The following TXNL4A variants were observed in gnomAD, a reference collection of about 807,000 sequenced individuals.
The protein encoded by TXNL4A is thioredoxin like 4A.
In TXNL4A, 17 loss-of-function variants were observed where a neutral mutation model predicts 14.6. The observed-to-expected ratio is 1.16, with a 90% CI of 0.80 to 1.74. The LOEUF (loss-of-function observed/expected upper bound fraction) is 1.74. Ranked by LOEUF, TXNL4A falls within the 40% of genes most tolerant of loss-of-function variation. The pLI is 0.00. For synonymous variants in TXNL4A, 83 were observed against 70.6 expected (o/e 1.18, Z -0.88); for missense variants, 74 against 195.2 (o/e 0.38, Z 3.70).
At chr18:80,000,612 T>C (rs1370007582) in intron 1 of TXNL4A, among the ~76,000 whole-genome samples, 1 of 152,222 alleles carries the variant, frequency 6.6e-6, no homozygotes, top group Non-Finnish European at 1.5e-5. Context: ...TCAAGACAGT[T>C]GCAGAAATTT....
At chr18:80,027,344 G>A (rs1380690374) in intron 1 of TXNL4A, among the ~76,000 whole-genome samples, 1 of 151,956 alleles carries the variant, frequency 6.6e-6, no homozygotes, top group Non-Finnish European at 1.5e-5. Context: ...AAAACAAGCA[G>A]GAGGGGATGG....
intron 1 of TXNL4A, among the ~76,000 whole-genome samples, chr18:80,000,728 C>T (rs2051693198): frequency 1.3e-5 from 2 of 152,124 alleles, no homozygotes; most frequent in South Asian, 4.1e-4. Flanking sequence ...GATCTCGGCT[C>T]ACCACACCCT....
At chr18:79,981,310 T>C (rs944168781) in intron 1 of TXNL4A, among the ~76,000 whole-genome samples, 3 of 152,238 alleles carry the variant, frequency 2.0e-5, no homozygotes, top group African/African-American at 7.2e-5. Flanking sequence ...CCATCCCTTT[T>C]CTTGCACGTA....
At chr18:80,024,798 G>A (rs1253892836) in intron 1 of TXNL4A, among the ~76,000 whole-genome samples, 3 of 152,156 alleles carry the variant, frequency 2.0e-5, no homozygotes, top group African/African-American at 7.2e-5. Flanking sequence ...CCAGGTAGCC[G>A]TGACACAGGT....
chr18:79,995,393 G>C (rs961138575), intron 1 of TXNL4A: 2 of 152,238 alleles, frequency 1.3e-5, no homozygotes, highest in Admixed American at 1.3e-4. Flanking sequence ...CATTCCTTCA[G>C]TGTCCCGGAG....
At chr18:80,029,760 C>T (rs1313625715) in intron 1 of TXNL4A, among the ~76,000 whole-genome samples, 2 of 152,178 alleles carry the variant, frequency 1.3e-5, no homozygotes, top group Non-Finnish European at 2.9e-5. Flanking sequence ...TGGAAAACAA[C>T]TGTGTCCTCA....
intron 1 of TXNL4A, among the ~76,000 whole-genome samples, chr18:80,024,048 T>C (rs1485294513): frequency 6.6e-6 from 1 of 152,170 alleles, no homozygotes; most frequent in Admixed American, 6.5e-5. Flanking sequence ...CAGTTTGCCT[T>C]TCAGTGCTTG....
At chr18:80,026,383 C>T (rs150590212) in intron 1 of TXNL4A, among the ~76,000 whole-genome samples, 9 of 152,176 alleles carry the variant, frequency 5.9e-5, no homozygotes, top group Non-Finnish European at 1.5e-5. Context: ...AAAGGGATTG[C>T]CTTAGGCTGA....
At position 79,972,929 on chromosome 18, in the gene TXNL4A, T is replaced by TATAACAATTTTA. The variant is rs2051320103; in HGVS notation, c.*755_*756insTAAAATTGTTAT. 1.3e-5 allele frequency: 2 copies of TATAACAATTTTA among 152,206 alleles called. No homozygotes were observed. Among genetic ancestry groups the TATAACAATTTTA allele is most frequent in the Admixed American group, 1.3e-4 (2 of 15,276 alleles). The allele number at this position is 152,206 out of a possible 1,614,324, so 9.4% of individuals were successfully genotyped here. A position where few individuals can be genotyped will look rare whatever the true frequency, so the allele number is the denominator to read the frequency against. On this transcript the variant is annotated 3_prime_UTR_variant, in exon 3 of 3. Transcript: ENST00000269601. ...ACTGTTTTTATAACCAGAGTAAACC[T>TATAACAATTTTA]TTGGATTCTGTCATGGATTGAATTG...
chr18:79,987,542 T>C (rs7235319), intron 1 of TXNL4A, among the ~76,000 whole-genome samples: 116,677 of 152,126 alleles, frequency 0.77, 45,873 homozygotes, highest in East Asian at 0.91. Flanking sequence ...CTGCAAAACC[T>C]CAATAAAAGT....
At chr18:79,974,389 ATTCT>A (rs2051347738) in intron 2 of TXNL4A, among the ~76,000 whole-genome samples, 1 of 152,246 alleles carries the variant, frequency 6.6e-6, no homozygotes, top group African/African-American at 2.4e-5. Context: ...GAAGTAGATA[ATTCT>A]TTACTTATCT....
intron 1 of TXNL4A, among the ~76,000 whole-genome samples, chr18:80,018,052 G>C (rs1036114475): frequency 6.6e-6 from 1 of 151,924 alleles, no homozygotes; most frequent in African/African-American, 2.4e-5. Context: ...CCTGTTATTG[G>C]TCTATTCAGA....
At chr18:80,023,595 A>G (rs1402929509) in intron 1 of TXNL4A, among the ~76,000 whole-genome samples, 2 of 152,188 alleles carry the variant, frequency 1.3e-5, no homozygotes, top group Non-Finnish European at 2.9e-5. Context: ...CTGAACTTTT[A>G]TATGAAAGAA....
At chr18:79,983,252 C>T (rs1462012639) in intron 1 of TXNL4A, among the ~76,000 whole-genome samples, 3 of 152,204 alleles carry the variant, frequency 2.0e-5, no homozygotes, top group Non-Finnish European at 4.4e-5. Context: ...TCGCCTGCCT[C>T]GGCTTCCCAA....
In TXNL4A at chr18:79,988,540, G is replaced by C. The variant is rs1235242994; in HGVS notation, c.-148C>G. 1.2e-6 allele frequency: 1 copy of C among 830,842 alleles called. No homozygotes were observed. The highest frequency in any genetic ancestry group is 1.8e-5 in the African/African-American group (1 of 55,802). The allele number at this position is 830,842 out of a possible 1,614,324, so 51.5% of individuals were successfully genotyped here. ...CCGCCCGCACACGCAAACTCCGCTG[G>C]GACTGCCACCCGGCAGAACGTCTGG... On this transcript the variant is annotated 5_prime_UTR_variant, in exon 1 of 3. Coordinates refer to ENST00000269601, the MANE Select transcript of TXNL4A (RefSeq NM_006701.5).
intron 1 of TXNL4A, among the ~76,000 whole-genome samples, chr18:79,981,984 A>G (rs1429078960): frequency 2.0e-5 from 3 of 152,214 alleles, no homozygotes; most frequent in African/African-American, 7.2e-5. Context: ...CAGGCTCAGA[A>G]AGGTCACGTG....
chr18:80,004,508 T>G (rs1435946600), intron 1 of TXNL4A, among the ~76,000 whole-genome samples: 1 of 152,176 alleles, frequency 6.6e-6, no homozygotes, highest in Non-Finnish European at 1.5e-5. Context: ...TTCCTGAGAA[T>G]TCCCAGCAAT....
intron 2 of TXNL4A, among the ~76,000 whole-genome samples, chr18:79,974,621 G>A (rs762757948): frequency 1.3e-5 from 2 of 152,038 alleles, no homozygotes; most frequent in Non-Finnish European, 2.9e-5. Flanking sequence ...TGGGACCACA[G>A]GCACGAGCCA....
At chr18:79,978,551 T>C (rs1439387143) in intron 1 of TXNL4A, among the ~76,000 whole-genome samples, 5 of 152,172 alleles carry the variant, frequency 3.3e-5, no homozygotes. Flanking sequence ...TGGAGTGCAG[T>C]GGCAAGATCT....
Sources: allele counts gnomAD v4.1 joint callset (sites outside exome capture counted in the v4.1 genomes callset), GRCh38; gene constraint gnomAD v4.1.1; transcripts MANE v1.5; gene names NCBI Gene and HGNC (gene_info 2026-07-23, HGNC 2026-07-21).